The following TRRAP variants were observed in gnomAD, a reference collection of about 807,000 sequenced individuals.
The protein encoded by TRRAP is transformation/transcription domain associated protein.
A neutral mutation model predicts 438.8 loss-of-function variants in TRRAP; 41 were observed. That is an observed-to-expected ratio of 0.09 (90% CI 0.07 to 0.12). The LOEUF is 0.12. TRRAP is among the 10% of genes least tolerant of loss of function. TRRAP has a pLI of 1.00. For missense variants in TRRAP, 3,122 were observed against 5,055.1 expected (o/e 0.62, Z 11.60); for synonymous variants, 1,994 against 1,962.9 (o/e 1.02, Z -0.42).
intron 4 of TRRAP, 39 bp from the exon 5 acceptor site, chr7:98,892,385 G>A (rs782386646): frequency 8.6e-6 from 13 of 1,519,132 alleles, no homozygotes; most frequent in Admixed American, 1.7e-5. Flanking sequence ...ACCCTTGGAA[G>A]TATTTTTATC....
chr7:98,995,760 C>G (rs1365982471), intron 67 of TRRAP, among the ~76,000 whole-genome samples: 1 of 150,612 alleles, frequency 6.6e-6, no homozygotes, highest in Non-Finnish European at 1.5e-5. Context: ...ATCCACTCAC[C>G]TGTATCCTAT....
In TRRAP at chr7:98,885,794, G is replaced by C. The variant is rs188012729; in HGVS notation, c.150+3770G>C. ...GTTTGTTGGAGAGGCTGAAATCATAGGCAGTCTGTGAACCTGCAGGAACAA... is the reference window on the plus strand; with the variant it reads ...GTTTGTTGGAGAGGCTGAAATCATACGCAGTCTGTGAACCTGCAGGAACAA... On this transcript the variant is annotated intron_variant, in intron 3 of 72. Transcript: ENST00000456197. 7.9e-3 allele frequency among the ~76,000 whole-genome samples: 1,199 copies of C among 152,304 alleles called. 21 individuals carry two copies. The highest frequency in any genetic ancestry group is 0.027 in the African/African-American group (1,109 of 41,560).
chr7:98,998,369 A>G (rs1793766787), intron 67 of TRRAP, among the ~76,000 whole-genome samples: 1 of 152,220 alleles, frequency 6.6e-6, no homozygotes, highest in African/African-American at 2.4e-5. Context: ...AAAAAAAAGT[A>G]TGAATGCTCC....
At chr7:98,998,292 A>G (rs753247155) in intron 67 of TRRAP, among the ~76,000 whole-genome samples, 3 of 152,174 alleles carry the variant, frequency 2.0e-5, no homozygotes, top group African/African-American at 2.4e-5. Context: ...AGCACATTAT[A>G]ATATTTAATA....
At chr7:98,961,895 G>A (rs1791908905) in intron 46 of TRRAP, among the ~76,000 whole-genome samples, 1 of 152,130 alleles carries the variant, frequency 6.6e-6, no homozygotes, top group Admixed American at 6.5e-5. Context: ...AATCCAGCCT[G>A]GGCAACAAGA....
chr7:98,886,319 TAGATAG>T (rs1795693613), intron 3 of TRRAP, among the ~76,000 whole-genome samples: 2 of 150,524 alleles, frequency 1.3e-5, no homozygotes, highest in South Asian at 4.2e-4. Context: ...GATATCTATA[TAGATAG>T]AGATAGATAT....
At chr7:98,895,651 T>C in intron 6 of TRRAP, 113 bp from the exon 7 acceptor site, 1 of 790,888 alleles carries the variant, frequency 1.3e-6, no homozygotes, top group South Asian at 2.7e-5. Context: ...ACCATTTTCC[T>C]TACCTCTCTT....
At chr7:98,961,215 TTGAG>T in intron 45 of TRRAP, 42 bp from the exon 46 acceptor site, 3 of 1,587,358 alleles carry the variant, frequency 1.9e-6, no homozygotes, top group Non-Finnish European at 2.6e-6. Flanking sequence ...TTTGTTGTCA[TTGAG>T]TGTTTGTTTC....
chr7:99,008,242 C>T, intron 69 of TRRAP, 135 bp from the exon 70 acceptor site: 1 of 861,726 alleles, frequency 1.2e-6, no homozygotes, highest in Non-Finnish European at 1.8e-6. Context: ...TGCATGACCA[C>T]CGGGTTCTTC....
rs1028184145 is a variant in TRRAP at position 99,011,551 on chromosome 7, G to A, written c.11337+16G>A. The A allele has an allele frequency of 1.3e-5, 21 of 1,609,634 alleles. No individual in the cohort carries two copies. The highest frequency in any genetic ancestry group is 6.7e-5 in the East Asian group (3 of 44,874). ...AAACTTTAAGGTGGGTCTCCACGTC[G>A]TCCTATCACAGGCGCAGGCTAGAGC... On this transcript the variant is annotated intron_variant, in intron 72 of 72. Transcript: ENST00000456197. This position sits in a 1 kb window ranked among gnomAD's most constrained non-coding sequence, Gnocchi z 7.1.
Position 98,964,795 on chromosome 7 carries a change from G to C in TRRAP, c.6976+20G>C, listed in dbSNP as rs374000099. On this transcript the variant is annotated intron_variant, in intron 48 of 72. Transcript: ENST00000456197. ...CCTCAGGTGATGTGCTGGCCACCGG[G>C]GGCCTTTCCTCAGACTCTGTTGAAC... is the stretch of plus-strand genomic sequence containing the variant. 3 of 1,605,588 alleles carry C rather than the reference G, an allele frequency of 1.9e-6. No homozygotes were observed. Among genetic ancestry groups the C allele is most frequent in the South Asian group, 1.1e-5 (1 of 89,660 alleles).
intron 9 of TRRAP, 65 bp from the exon 10 acceptor site, chr7:98,899,614 G>T: frequency 1.2e-6 from 2 of 1,605,972 alleles, no homozygotes; most frequent in Non-Finnish European, 1.7e-6. Flanking sequence ...TGATTCTTCG[G>T]TATGCCAGAT....
At position 98,900,735 on chromosome 7, in the gene TRRAP, T is replaced by A; in HGVS notation, c.897+15T>A. The stretch of plus-strand genomic sequence containing the variant: ...GGATTTACCAGGTAAGGTCATTGAC[T>A]TTTATGTCAGGTTTATTGAGATAGT... On this transcript the variant is annotated intron_variant, in intron 11 of 72. Coordinates refer to ENST00000456197, the MANE Select transcript of TRRAP (RefSeq NM_001375524.1). The A allele has an allele frequency of 1.2e-6, 2 of 1,601,980 alleles. No homozygotes were observed. The highest frequency in any genetic ancestry group is 1.7e-6 in the Non-Finnish European group (2 of 1,173,302).
rs775461548 is a variant in TRRAP at position 99,004,293 on chromosome 7, A to G, written c.10413A>G (p.Lys3471=). The G allele has an allele frequency of 1.2e-6, 2 of 1,614,256 alleles. No homozygotes were observed. Among genetic ancestry groups the G allele is most frequent in the Non-Finnish European group, 1.7e-6 (2 of 1,180,054 alleles). ...ILEAKTKQLP[K]FFLIEEKCRF... ...AGGCCAAGACCAAGCAACTCCCCAA[A>G]TTCTTCCTCATAGAGGAAAAGTGCC... Residue 3471 remains lysine, a synonymous_variant, in exon 68 of 73, where the codon AAA becomes AAG. Coordinates refer to ENST00000456197, the MANE Select transcript of TRRAP (RefSeq NM_001375524.1).
chr7:98,959,914 G>C (rs1791803652), intron 45 of TRRAP, among the ~76,000 whole-genome samples: 1 of 137,068 alleles, frequency 7.3e-6, no homozygotes, highest in African/African-American at 2.9e-5. Context: ...TTGGGAGACA[G>C]AGCAAGCAAG....
Position 98,895,839 on chromosome 7 carries a change from TTTAA to T in TRRAP, c.507+23_507+26del. On this transcript the variant is annotated intron_variant, in intron 7 of 72. Coordinates refer to ENST00000456197, the MANE Select transcript of TRRAP (RefSeq NM_001375524.1). ...AGTAGTGGTATGTTTTTACTTTGGT[TTTAA>T]TTAGTTACATTTGTTTATACTTCCT... 1 of 1,581,540 alleles carries T rather than the reference TTTAA, an allele frequency of 6.3e-7. No homozygotes were observed. The highest frequency in any genetic ancestry group is 2.2e-5 in the East Asian group (1 of 44,472).
chr7:98,886,327 G>GATAGATATAGATAGATATAGATATCTAT (rs1795694618), intron 3 of TRRAP, among the ~76,000 whole-genome samples: 1 of 150,272 alleles, frequency 6.7e-6, no homozygotes. Flanking sequence ...TATAGATAGA[G>GATAGATATAGATAGATATAGATATCTAT]ATAGATATAG....
rs557847952 is a variant in TRRAP, at chr7:98,900,290, T to C, written c.801-334T>C. ...GGCAGCATCTGAGGAGGAATCTTCT[T>C]TGGCCATCGCCACGGCCCTAGTTGG... On this transcript the variant is annotated intron_variant, in intron 10 of 72. Coordinates refer to ENST00000456197, the MANE Select transcript of TRRAP (RefSeq NM_001375524.1). Among the ~76,000 whole-genome samples, 17 of 152,256 alleles carry C rather than the reference T, an allele frequency of 1.1e-4. No homozygotes were observed. The East Asian group carries it at 2.5e-3, about 23-fold the overall frequency.
Position 98,917,673 on chromosome 7 carries a change from C to G in TRRAP, c.2616C>G (p.Leu872=). The G allele has an allele frequency of 1.9e-6, 3 of 1,613,360 alleles. No homozygotes were observed. Among genetic ancestry groups the G allele is most frequent in the Non-Finnish European group, 2.5e-6 (3 of 1,179,406 alleles). ...YDHIQPVRAE[L]MQALWRTLRN... is the part of the protein sequence containing the mutation. ...ACATCCAGCCGGTGCGCGCAGAGCT[C>G]ATGCAGGTAGGATTTTAGTGAGGTT... Residue 872 remains leucine, a synonymous_variant, in exon 20 of 73, where the codon CTC becomes CTG. Coordinates refer to ENST00000456197, the MANE Select transcript of TRRAP (RefSeq NM_001375524.1).
Sources: allele counts gnomAD v4.1 joint callset (sites outside exome capture counted in the v4.1 genomes callset), GRCh38; gene constraint gnomAD v4.1.1; non-coding constraint Gnocchi (gnomAD v3.1); transcripts MANE v1.5; gene names NCBI Gene and HGNC (gene_info 2026-07-23, HGNC 2026-07-21).